Variants in DHTKD1 observed in about 807,000 individuals in gnomAD.
DHTKD1 encodes the protein 2-oxoadipate dehydrogenase complex component E1.
A neutral mutation model predicts 101.8 loss-of-function variants in DHTKD1; 78 were observed. The ratio of observed to expected loss-of-function variants is 0.77; its 90% CI spans 0.64 to 0.93. The LOEUF (loss-of-function observed/expected upper bound fraction) is 0.93. DHTKD1 is among the 40% of genes least tolerant of loss of function. The pLI, the probability that DHTKD1 is intolerant of heterozygous loss-of-function variation, is 0.00. For synonymous variants in DHTKD1, 462 were observed against 450.3 expected, an observed-to-expected ratio of 1.03 and a Z score of -0.33; for missense variants, 1,223 against 1,161.7, an observed-to-expected ratio of 1.05 and a Z score of -0.77.
chr10:12,094,497 G>A (rs1833039325), intron 7 of DHTKD1, among the ~76,000 whole-genome samples: 1 of 151,868 alleles, frequency 6.6e-6, no homozygotes, highest in African/African-American at 2.4e-5. Flanking sequence ...CACCGTGCCT[G>A]GCTAGTTTTC....
At chr10:12,094,325 A>C in intron 7 of DHTKD1, 54 bp downstream of exon 7, 1 of 1,503,356 alleles carries the variant, frequency 6.7e-7, no homozygotes, top group Non-Finnish European at 9.2e-7. Context: ...AATTACTATT[A>C]TTATTCTTTT....
At position 12,100,285 on chromosome 10, in the gene DHTKD1, C is replaced by CTTTTTTTTTTTTTTT. The variant is rs571364518; in HGVS notation, c.1756+24_1756+25insTTTTTTTTTTTTTTT. On this transcript the variant is annotated intron_variant, in intron 9 of 16. Transcript: ENST00000263035. Reference sequence around the variant, plus strand: ...AAGGTAAGAATTTTCTTTTTTTTTTCTGTTTTTTTTTTTTTTGAGTCTCAC... The same window carrying CTTTTTTTTTTTTTTT: ...AAGGTAAGAATTTTCTTTTTTTTTTCTTTTTTTTTTTTTTTTGTTTTTTTTTTTTTTGAGTCTCAC... 182 of 229,332 alleles carry CTTTTTTTTTTTTTTT rather than the reference C, an allele frequency of 7.9e-4. 14 individuals carry two copies. Among genetic ancestry groups the CTTTTTTTTTTTTTTT allele is most frequent in the Middle Eastern group, 1.4e-3 (1 of 714 alleles). 14.2% of individuals were successfully genotyped at this position (229,332 alleles called of 1,614,324 possible).
rs71382619 is a variant in DHTKD1, at chr10:12,091,411, C to CAAA, written c.988-85_988-83dup. The stretch of plus-strand genomic sequence containing the variant: ...TGGGCGAAAGAGCAAGACTCTGTCT[C>CAAA]AAAAAAAAAAAAAAAAAAAGTTATT... On this transcript the variant is annotated intron_variant, in intron 5 of 16. Coordinates refer to ENST00000263035, the MANE Select transcript of DHTKD1 (RefSeq NM_018706.7). 1,624 of 192,206 alleles carry CAAA rather than the reference C, an allele frequency of 8.4e-3. 1 individual carries two copies. Among genetic ancestry groups the CAAA allele is most frequent in the Middle Eastern group, 0.016 (7 of 442 alleles). 11.9% of individuals were successfully genotyped at this position (192,206 alleles called of 1,614,324 possible). A position where few individuals can be genotyped will look rare whatever the true frequency, so the allele number is the denominator to read the frequency against.
rs1230429627 is a variant in DHTKD1, at chr10:12,091,500, C to T, written c.988-13C>T. 6.4e-7 allele frequency: 1 copy of T among 1,569,990 alleles called. No individual in the cohort carries two copies. The highest frequency in any genetic ancestry group is 1.7e-5 in the Admixed American group (1 of 57,940). ...CTTTTCTCCCCACCCGCTCCCCTTG[C>T]CTCATGATTTAGGTCCATGGTGATG... On this transcript the variant is annotated splice_polypyrimidine_tract_variant and intron_variant, in intron 5 of 16. Coordinates refer to ENST00000263035, the MANE Select transcript of DHTKD1 (RefSeq NM_018706.7).
At chr10:12,076,848 C>T (rs1018096868) in intron 1 of DHTKD1, among the ~76,000 whole-genome samples, 6 of 151,556 alleles carry the variant, frequency 4.0e-5, no homozygotes, top group Non-Finnish European at 7.4e-5. Context: ...TTAGTAGAGA[C>T]GGTTTCACCG....
Position 12,106,274 on chromosome 10 carries a change from C to A in DHTKD1, c.1925C>A (p.Ala642Asp), listed in dbSNP as rs868248143. 1 of 1,614,122 alleles carries A rather than the reference C, an allele frequency of 6.2e-7. No individual in the cohort carries two copies. Among genetic ancestry groups the A allele is most frequent in the Non-Finnish European group, 8.5e-7 (1 of 1,180,018 alleles). Reference sequence around the variant, plus strand: ...AGCAACAGCCCACTGTCAGAAGAGGCCGTCCTGGGATTTGAATATGGGATG... The same window carrying A: ...AGCAACAGCCCACTGTCAGAAGAGGACGTCCTGGGATTTGAATATGGGATG... ...EVSNSPLSEE[A>D]VLGFEYGMSI... is the part of the protein sequence containing the mutation. Residue 642 changes from alanine to aspartate, a missense_variant, in exon 11 of 17, where the codon GCC becomes GAC. Coordinates refer to ENST00000263035, the MANE Select transcript of DHTKD1 (RefSeq NM_018706.7).
chr10:12,068,986 TC>T lies in DHTKD1; in HGVS notation c.-44del, dbSNP rs1444916535. The T allele has an allele frequency of 1.4e-5, 22 of 1,604,002 alleles. No homozygotes were observed. The Admixed American group carries it at 3.7e-4, about 27-fold the overall frequency. On this transcript the variant is annotated 5_prime_UTR_variant, in exon 1 of 17. Transcript: ENST00000263035. ...CCCGGATTTACCAGGGCCGGTGGGA[TC>T]CCCTCGGGCTCCCGCCTTAGCATGC...
intron 3 of DHTKD1, among the ~76,000 whole-genome samples, chr10:12,085,693 A>C (rs551475431): frequency 1.6e-4 from 25 of 152,262 alleles, no homozygotes; most frequent in African/African-American, 5.8e-4. Context: ...AGCCAGGCCA[A>C]CATGGTGAAA....
intron 3 of DHTKD1, among the ~76,000 whole-genome samples, chr10:12,086,132 T>C (rs1832892504): frequency 6.6e-6 from 1 of 151,432 alleles, no homozygotes; most frequent in Non-Finnish European, 1.5e-5. Flanking sequence ...CCTCCCAAAA[T>C]GCTAGGATTA....
At chr10:12,096,447 A>G (rs1833071962) in intron 7 of DHTKD1, among the ~76,000 whole-genome samples, 2 of 152,052 alleles carry the variant, frequency 1.3e-5, no homozygotes, top group Non-Finnish European at 2.9e-5. Context: ...GTGCAGTGGT[A>G]TGATCACGGC....
At chr10:12,069,310 GA>G in intron 1 of DHTKD1, 123 bp downstream of exon 1, 2 of 475,256 alleles carry the variant, frequency 4.2e-6, no homozygotes, top group East Asian at 5.7e-5. Context: ...GGCCGGTGGG[GA>G]GGAGGGGGAG....
chr10:12,074,327 C>T (rs1832692113), intron 1 of DHTKD1, among the ~76,000 whole-genome samples: 1 of 152,080 alleles, frequency 6.6e-6, no homozygotes, highest in South Asian at 2.1e-4. Flanking sequence ...ATCACAGGCA[C>T]GTGCCACCAC....
chr10:12,097,614 G>A (rs1214678500), intron 7 of DHTKD1, 70 bp from the exon 8 acceptor site: 12 of 1,388,322 alleles, frequency 8.6e-6, no homozygotes, highest in African/African-American at 7.2e-5. Flanking sequence ...GCCCTTGACA[G>A]TGACTCTCCT....
chr10:12,090,403 T>G, intron 5 of DHTKD1, among the ~76,000 whole-genome samples: 1 of 54,000 alleles, frequency 1.9e-5, no homozygotes, highest in East Asian at 5.0e-4. Flanking sequence ...CTTCCTTCCT[T>G]CCTTTTTTCC....
chr10:12,101,587 G>T (rs1564395262), intron 10 of DHTKD1, among the ~76,000 whole-genome samples: 1 of 152,124 alleles, frequency 6.6e-6, no homozygotes, highest in South Asian at 2.1e-4. Flanking sequence ...CTTGACGAAT[G>T]TACACATAAC....
At chr10:12,090,927 G>C (rs10906074) in intron 5 of DHTKD1, among the ~76,000 whole-genome samples, 73,827 of 151,870 alleles carry the variant, frequency 0.49, 19,730 homozygotes, top group South Asian at 0.72. Context: ...GGTGGCGGGC[G>C]CCTGTAGTCC....
chr10:12,118,563 T>C (rs941837323), intron 14 of DHTKD1, among the ~76,000 whole-genome samples, 186 bp from the exon 15 acceptor site: 6 of 151,950 alleles, frequency 3.9e-5, no homozygotes, highest in South Asian at 2.1e-4. Context: ...TTTGTATTTT[T>C]AGTAGAGACA....
intron 12 of DHTKD1, among the ~76,000 whole-genome samples, chr10:12,109,339 T>C (rs1833294304): frequency 6.6e-6 from 1 of 151,806 alleles, no homozygotes; most frequent in African/African-American, 2.4e-5. Flanking sequence ...TCGAGAATTT[T>C]ATTTAAAAAG....
chr10:12,112,863 T>G, intron 12 of DHTKD1, 37 bp from the exon 13 acceptor site: 4 of 1,562,488 alleles, frequency 2.6e-6, no homozygotes, highest in Non-Finnish European at 3.5e-6. Flanking sequence ...ATAGATGATC[T>G]GAACATTCTT....
Sources: gnomAD v4.1 joint callset for allele counts (sites outside exome capture counted in the v4.1 genomes callset) on GRCh38, gnomAD v4.1.1 for gene constraint, MANE v1.5 for transcripts, NCBI Gene and HGNC (gene_info 2026-07-23, HGNC 2026-07-21) for gene names.